The following TSPAN12 variants were observed in gnomAD, a reference collection of about 807,000 sequenced individuals.
The protein encoded by TSPAN12 is tetraspanin-12.
In TSPAN12, 19 loss-of-function variants were observed where a neutral mutation model predicts 39.2. That is an observed-to-expected ratio of 0.49 (90% CI 0.34 to 0.71). The LOEUF (loss-of-function observed/expected upper bound fraction) is 0.71. TSPAN12 is among the 30% of genes least tolerant of loss of function. TSPAN12 has a pLI of 0.01. For synonymous variants in TSPAN12, 119 were observed against 124.8 expected (o/e 0.95, Z 0.31); for missense variants, 314 against 359.9 (o/e 0.87, Z 1.03).
chr7:120,788,768 G>T lies in TSPAN12; in HGVS notation c.742C>A (p.Leu248Met), dbSNP rs1793460684. ...CCCGGCTCCCTTCTATCATAATACAGAGCCCAGAGCAGAGTAATGGTGAGA... is the reference window on the plus strand; with the variant it reads ...CCCGGCTCCCTTCTATCATAATACATAGCCCAGAGCAGAGTAATGGTGAGA... ...MILTITLLWA[L>M]YYDRREPGTD... Residue 248 changes from leucine (L) to methionine (M), a missense_variant, in exon 8 of 8, where the codon CTG becomes ATG. Coordinates refer to ENST00000222747, the MANE Select transcript of TSPAN12 (RefSeq NM_012338.4). 1 of 1,614,066 alleles carries T rather than the reference G, an allele frequency of 6.2e-7. No homozygotes were observed.
In TSPAN12 at chr7:120,810,564, C is replaced by G. The variant is rs145676655; in HGVS notation, c.367G>C (p.Val123Leu). ...AAAGTGACCATATCTGACCATTGTA[C>G]TGGAACCTGGTGATAAAAAGCAAAA... is the stretch of plus-strand genomic sequence containing the variant. ...WTYEQELMVP[V>L]QWSDMVTLKA... The change falls in exon 6 of 8, where the codon GTA (valine) becomes CTA (leucine). Residue 123 changes from valine to leucine, a missense_variant. By Grantham distance (32) the Val-to-Leu change is conservative (BLOSUM62 1). Coordinates refer to ENST00000222747, the MANE Select transcript of TSPAN12 (RefSeq NM_012338.4). 4.6e-4 allele frequency: 741 copies of G among 1,611,968 alleles called. 4 individuals carry two copies. Among genetic ancestry groups the G allele is most frequent in the Admixed American group, 1.7e-3 (102 of 59,952 alleles).
chr7:120,804,956 T>C (rs952380224), intron 7 of TSPAN12, among the ~76,000 whole-genome samples: 1 of 152,082 alleles, frequency 6.6e-6, no homozygotes, highest in African/African-American at 2.4e-5. Context: ...AATAGATTTC[T>C]CCTCATGGCC....
intron 7 of TSPAN12, among the ~76,000 whole-genome samples, chr7:120,798,977 A>C (rs755106002): frequency 6.6e-6 from 1 of 152,120 alleles, no homozygotes; most frequent in Non-Finnish European, 1.5e-5. Context: ...GCTCTGTATC[A>C]ACCTCCTTTT....
At chr7:120,801,548 A>C (rs369304642) in intron 7 of TSPAN12, among the ~76,000 whole-genome samples, 9 of 152,328 alleles carry the variant, frequency 5.9e-5, no homozygotes, top group South Asian at 4.1e-4. Flanking sequence ...TTTTCTGAAG[A>C]AGCAGCCAAT....
chr7:120,787,560 AAAAG>A lies in TSPAN12; in HGVS notation c.*1028_*1031del, dbSNP rs1302667961. The A allele has an allele frequency of 2.6e-5, 4 of 152,554 alleles. No homozygotes were observed. Among genetic ancestry groups the A allele is most frequent in the Non-Finnish European group, 4.4e-5 (3 of 67,990 alleles). 9.5% of individuals were successfully genotyped at this position (152,554 alleles called of 1,614,324 possible). On this transcript the variant is annotated 3_prime_UTR_variant, in exon 8 of 8. Transcript: ENST00000222747. Reference sequence around the variant, plus strand: ...ATTCTCACAAGCATTTTTCTGGAGAAAAAGAACACTATTTTCTGTAGAATTTATA... The same window carrying A: ...ATTCTCACAAGCATTTTTCTGGAGAAAACACTATTTTCTGTAGAATTTATA...
intron 4 of TSPAN12, among the ~76,000 whole-genome samples, chr7:120,816,044 C>T (rs1445886467): frequency 3.9e-5 from 6 of 152,078 alleles, no homozygotes; most frequent in African/African-American, 4.8e-5. Flanking sequence ...TTTATAAATG[C>T]CACTAGTTTC....
intron 7 of TSPAN12, among the ~76,000 whole-genome samples, chr7:120,791,968 A>G (rs1041703346): frequency 6.6e-5 from 10 of 152,198 alleles, no homozygotes; most frequent in African/African-American, 2.4e-4. Context: ...CATATAATCA[A>G]TGAAAACACT....
intron 4 of TSPAN12, among the ~76,000 whole-genome samples, chr7:120,834,725 G>A (rs1236033510): frequency 6.6e-6 from 1 of 152,156 alleles, no homozygotes; most frequent in East Asian, 1.9e-4. Flanking sequence ...AAATGGACAA[G>A]TTGGATGAAT....
intron 2 of TSPAN12, among the ~76,000 whole-genome samples, chr7:120,846,223 C>G (rs1428446806): frequency 1.3e-5 from 2 of 152,182 alleles, no homozygotes; most frequent in Non-Finnish European, 2.9e-5. Flanking sequence ...TCACACCAGG[C>G]CTCTCAGCCA....
intron 3 of TSPAN12, among the ~76,000 whole-genome samples, chr7:120,839,608 G>C (rs1356011753): frequency 7.2e-5 from 11 of 152,056 alleles, no homozygotes. Context: ...TGTCCCCTGT[G>C]ATGTTAGTAG....
intron 7 of TSPAN12, among the ~76,000 whole-genome samples, chr7:120,789,669 T>C (rs1414332692): frequency 1.3e-5 from 2 of 152,226 alleles, no homozygotes; most frequent in Non-Finnish European, 2.9e-5. Context: ...AGAAATTATT[T>C]AGGCAGATAG....
chr7:120,828,507 G>A (rs1159730877), intron 4 of TSPAN12, among the ~76,000 whole-genome samples: 2 of 152,002 alleles, frequency 1.3e-5, no homozygotes, highest in African/African-American at 2.4e-5. Flanking sequence ...CCTCCAAAGC[G>A]CCTTTCTCCT....
chr7:120,796,116 C>T (rs1013226601), intron 7 of TSPAN12, among the ~76,000 whole-genome samples: 4 of 152,152 alleles, frequency 2.6e-5, no homozygotes, highest in Non-Finnish European at 4.4e-5. Context: ...ACCTGGAAGG[C>T]TTCTTGCTCA....
chr7:120,809,713 C>A (rs915175185), intron 6 of TSPAN12, among the ~76,000 whole-genome samples: 1 of 152,144 alleles, frequency 6.6e-6, no homozygotes, highest in Non-Finnish European at 1.5e-5. Flanking sequence ...GAAGCAAGAT[C>A]AATGGTTAAC....
chr7:120,849,309 C>T (rs1794728048), intron 2 of TSPAN12, among the ~76,000 whole-genome samples: 1 of 152,202 alleles, frequency 6.6e-6, no homozygotes, highest in Non-Finnish European at 1.5e-5. Context: ...ACATGGTCTG[C>T]TTTTGCTTGC....
chr7:120,826,350 T>C (rs1414250473), intron 4 of TSPAN12, among the ~76,000 whole-genome samples: 1 of 152,152 alleles, frequency 6.6e-6, no homozygotes, highest in Non-Finnish European at 1.5e-5. Context: ...GGTCAGTCAA[T>C]AAAACATCGG....
intron 4 of TSPAN12, among the ~76,000 whole-genome samples, chr7:120,823,764 G>A (rs1794231132): frequency 6.6e-6 from 1 of 152,176 alleles, no homozygotes; most frequent in African/African-American, 2.4e-5. Context: ...TGCCTCATGG[G>A]TGTGGAAAAT....
intron 4 of TSPAN12, among the ~76,000 whole-genome samples, chr7:120,831,755 A>G (rs1024622472): frequency 3.7e-4 from 57 of 152,146 alleles, no homozygotes; most frequent in African/African-American, 1.3e-3. Flanking sequence ...AGAGTGATGT[A>G]TAAGTGTATA....
chr7:120,811,049 C>T (rs17142967), intron 5 of TSPAN12, among the ~76,000 whole-genome samples: 5,615 of 152,264 alleles, frequency 0.037, 158 homozygotes, highest in African/African-American at 0.075. Context: ...TCAAGCCTCA[C>T]TCTGGGATAA....
Sources: gnomAD v4.1 joint callset for allele counts (sites outside exome capture counted in the v4.1 genomes callset) on GRCh38, gnomAD v4.1.1 for gene constraint, MANE v1.5 for transcripts, NCBI Gene and HGNC (gene_info 2026-07-23, HGNC 2026-07-21) for gene names.